The following ZNF343 variants were observed in gnomAD, a reference collection of about 807,000 sequenced individuals.
The protein encoded by ZNF343 is zinc finger protein 343.
In ZNF343, 11 loss-of-function variants were observed where a neutral mutation model predicts 13.8. The ratio of observed to expected loss-of-function variants is 0.80; its 90% CI spans 0.50 to 1.32. ZNF343 has a LOEUF of 1.32. Ranked by LOEUF, ZNF343 falls within the 40% of genes most tolerant of loss-of-function variation. The pLI is 0.00. For missense variants in ZNF343, 658 were observed against 714.2 expected (o/e 0.92, Z 0.90); for synonymous variants, 248 against 260.0 (o/e 0.95, Z 0.44).
intron 1 of ZNF343, among the ~76,000 whole-genome samples, chr20:2,522,636 A>G (rs1026419600): frequency 1.3e-5 from 2 of 152,208 alleles, no homozygotes; most frequent in Admixed American, 6.5e-5. Context: ...CCGACTCATA[A>G]TAAGAAGTTA....
In ZNF343 at chr20:2,484,070, A is replaced by C; in HGVS notation, c.891T>G (p.Tyr297Ter). Residue 297 changes from tyrosine to a stop codon, truncating the protein, a stop_gained, in exon 6 of 6, where the codon TAT becomes TAG. Coordinates refer to ENST00000278772, the MANE Select transcript of ZNF343 (RefSeq NM_024325.6). LOFTEE classifies it low-confidence loss of function (END_TRUNC). ...AACCTCGCCCGCACTCACTGCACAC[A>C]TAAGGCTTCTCCATCGAGTGTATAC... is the stretch of plus-strand genomic sequence containing the variant. ...HHRIHSMEKP[Y>*]VCSECGRGFS... The C allele has an allele frequency of 6.2e-7, 1 of 1,614,244 alleles. No homozygotes were observed. Among genetic ancestry groups the C allele is most frequent in the African/African-American group, 1.3e-5 (1 of 75,072 alleles).
Position 2,481,892 on chromosome 20 carries a change from C to A in ZNF343, c.*1269G>T, listed in dbSNP as rs1183298568. On this transcript the variant is annotated 3_prime_UTR_variant, in exon 6 of 6. Coordinates refer to ENST00000278772, the MANE Select transcript of ZNF343 (RefSeq NM_024325.6). ...GAAGTAGAAAAGAATGCTTATTTAA[C>A]AGTTACTGCCATCTTCGCTCACATA... The A allele has an allele frequency of 6.6e-6, 1 of 152,164 alleles. No individual in the cohort carries two copies. The highest frequency in any genetic ancestry group is 1.5e-5 in the Non-Finnish European group (1 of 68,030). 9.4% of individuals were successfully genotyped at this position (152,164 alleles called of 1,614,324 possible).
At chr20:2,488,132 C>T (rs980757103) in intron 5 of ZNF343, among the ~76,000 whole-genome samples, 2 of 152,132 alleles carry the variant, frequency 1.3e-5, no homozygotes, top group Admixed American at 6.6e-5. Context: ...TTGCTTACAG[C>T]GTCAAACTTA....
Position 2,484,149 on chromosome 20 carries a change from C to A in ZNF343, c.812G>T (p.Cys271Phe), listed in dbSNP as rs767350198. 15 of 1,614,214 alleles carry A rather than the reference C, an allele frequency of 9.3e-6. No homozygotes were observed. In the South Asian group the frequency reaches 1.1e-4, roughly 12 times the overall value. Residue 271 changes from cysteine (C) to phenylalanine (F), a missense_variant, in exon 6 of 6, where the codon TGC becomes TTC. Transcript: ENST00000278772. ...RTLLGKKPYI[C>F]SDCGRSFKDR... ...TTTAAAGCTTCGCCCACAATCACTGCAAATGTAGGGCTTCTTCCCTAAGAG... is the reference window on the plus strand; with the variant it reads ...TTTAAAGCTTCGCCCACAATCACTGAAAATGTAGGGCTTCTTCCCTAAGAG...
At chr20:2,503,850 G>C (rs1208245468) in intron 1 of ZNF343, among the ~76,000 whole-genome samples, 1 of 151,890 alleles carries the variant, frequency 6.6e-6, no homozygotes, top group Non-Finnish European at 1.5e-5. Flanking sequence ...GCCCACAAGA[G>C]AAAGCAGGAA....
chr20:2,488,807 C>T (rs6083417), intron 5 of ZNF343, among the ~76,000 whole-genome samples: 20,395 of 152,080 alleles, frequency 0.13, 1,502 homozygotes, highest in East Asian at 0.25. Flanking sequence ...CACTTTGGGA[C>T]GCCCACGCAG....
At chr20:2,507,026 G>A (rs972021907) in intron 1 of ZNF343, among the ~76,000 whole-genome samples, 19 of 151,980 alleles carry the variant, frequency 1.3e-4, no homozygotes, top group African/African-American at 4.6e-4. Context: ...CACTTTGGGA[G>A]GCCCGGGGCA....
intron 1 of ZNF343, among the ~76,000 whole-genome samples, chr20:2,502,569 C>T (rs376402843): frequency 1.3e-5 from 2 of 152,026 alleles, no homozygotes; most frequent in South Asian, 4.2e-4. Context: ...AGAGAAAGGT[C>T]GGGTTACCCA....
At position 2,501,138 on chromosome 20, in the gene ZNF343, C is replaced by T. The variant is rs113708781; in HGVS notation, c.-236-396G>A. Reference sequence around the variant, plus strand: ...TACTGCGCTTTTCCAATGGTCTTAGCAAACGGCACACCAAGAGATTATATC... The same window carrying T: ...TACTGCGCTTTTCCAATGGTCTTAGTAAACGGCACACCAAGAGATTATATC... On this transcript the variant is annotated intron_variant, in intron 1 of 5. Transcript: ENST00000278772. Among the ~76,000 whole-genome samples the T allele has an allele frequency of 7.6e-3, 1,150 of 152,302 alleles. 17 individuals carry two copies. The highest frequency in any genetic ancestry group is 0.027 in the African/African-American group (1,103 of 41,550).
chr20:2,489,194 G>A (rs2122578198), intron 5 of ZNF343, among the ~76,000 whole-genome samples: 1 of 152,300 alleles, frequency 6.6e-6, no homozygotes, highest in East Asian at 1.9e-4. Context: ...ATTTAAGGGT[G>A]TCGTGATATT....
At chr20:2,493,625 C>A (rs372705651) in intron 3 of ZNF343, 48 bp from the exon 4 acceptor site, 1 of 960,588 alleles carries the variant, frequency 1.0e-6, no homozygotes, top group Non-Finnish European at 1.5e-6. Context: ...CCCCACCCCC[C>A]ACCCCCCACC....
Position 2,518,517 on chromosome 20 carries a change from A to T in ZNF343, c.-347+5938T>A, listed in dbSNP as rs1274844413. 6.6e-6 allele frequency among the ~76,000 whole-genome samples: 1 copy of T among 152,208 alleles called. No individual in the cohort carries two copies. Among genetic ancestry groups the T allele is most frequent in the Non-Finnish European group, 1.5e-5 (1 of 68,034 alleles). The stretch of plus-strand genomic sequence containing the variant: ...TTTGTACTCCAAAGTACTCCAAAAT[A>T]CACAATAGTACTCACAAGTGCCAGA... On this transcript the variant is annotated intron_variant, in intron 1 of 6. Coordinates refer to the ZNF343 transcript ENST00000358413. This position sits in a 1 kb window ranked among gnomAD's most constrained non-coding sequence, Gnocchi z 4.6.
chr20:2,484,482 T>G lies in ZNF343; in HGVS notation c.479A>C (p.His160Pro). Residue 160 changes from histidine to proline, a missense_variant, in exon 6 of 6, where the codon CAT becomes CCT. By Grantham distance (77) the His-to-Pro change is moderately conservative. Coordinates refer to ENST00000278772, the MANE Select transcript of ZNF343 (RefSeq NM_024325.6). Reference protein sequence around the residue: ...HWKQQGQQYSHVSCWFENAEG... With the variant: ...HWKQQGQQYSPVSCWFENAEG... Reference sequence around the variant, plus strand: ...TGCATTTTCAAACCAACAGCTTACATGGGAATACTGCTGCCCCTGCTGTTT... The same window carrying G: ...TGCATTTTCAAACCAACAGCTTACAGGGGAATACTGCTGCCCCTGCTGTTT... The G allele has an allele frequency of 6.2e-7, 1 of 1,614,236 alleles. No homozygotes were observed. The highest frequency in any genetic ancestry group is 1.7e-4 in the Middle Eastern group (1 of 6,060).
chr20:2,517,716 AGGCTG>A (rs1483021842), intron 1 of ZNF343, among the ~76,000 whole-genome samples: 1 of 151,448 alleles, frequency 6.6e-6, no homozygotes, highest in Non-Finnish European at 1.5e-5. Context: ...TCTGTCACCC[AGGCTG>A]GTCTTGAACT....
At chr20:2,491,866 A>AT (rs1220172885) in intron 5 of ZNF343, 2 of 150,998 alleles carry the variant, frequency 1.3e-5, no homozygotes, top group African/African-American at 4.9e-5. Context: ...ATTTTTTTTT[A>AT]TTTTTTCAGA....
Position 2,508,285 on chromosome 20 carries a change from C to A in ZNF343, c.-237+596G>T, listed in dbSNP as rs2085699753. 6.6e-6 allele frequency among the ~76,000 whole-genome samples: 1 copy of A among 152,008 alleles called. No homozygotes were observed. Among genetic ancestry groups the A allele is most frequent in the Non-Finnish European group, 1.5e-5 (1 of 68,006 alleles). On this transcript the variant is annotated intron_variant, in intron 1 of 5. Coordinates refer to ENST00000278772, the MANE Select transcript of ZNF343 (RefSeq NM_024325.6). The surrounding 1 kb of genome is among the most constrained non-coding windows in gnomAD (Gnocchi z 4.5). ...GTCAAGCTCACCTCCACTTCCAACC[C>A]CCCAACCCCTAATAAACCAAGGTCC...
chr20:2,498,640 T>C (rs1159997717), intron 2 of ZNF343, among the ~76,000 whole-genome samples: 1 of 152,144 alleles, frequency 6.6e-6, no homozygotes, highest in Non-Finnish European at 1.5e-5. Flanking sequence ...ACAATCCCAG[T>C]CCATATTTAG....
intron 5 of ZNF343, chr20:2,492,231 T>A (rs1019514485): frequency 6.3e-6 from 1 of 159,516 alleles, no homozygotes; most frequent in African/African-American, 2.4e-5. Context: ...CTTGCTTGCC[T>A]CCTTGCAGCT....
chr20:2,519,763 C>T (rs980001832), intron 1 of ZNF343, among the ~76,000 whole-genome samples: 3 of 152,202 alleles, frequency 2.0e-5, no homozygotes, highest in Non-Finnish European at 1.5e-5. Flanking sequence ...GTTCCTGAAC[C>T]TGGACCTGAA....
Sources: allele counts gnomAD v4.1 joint callset (sites outside exome capture counted in the v4.1 genomes callset), GRCh38; gene constraint gnomAD v4.1.1; non-coding constraint Gnocchi (gnomAD v3.1); transcripts MANE v1.5; gene names NCBI Gene and HGNC (gene_info 2026-07-23, HGNC 2026-07-21).